PDE6D: variants seen among roughly 807,000 people sequenced by gnomAD.
PDE6D encodes phosphodiesterase 6D, also known as retinal rod rhodopsin-sensitive cGMP 3',5'-cyclic phosphodiesterase subunit delta.
In PDE6D, 10 loss-of-function variants were observed where a neutral mutation model predicts 21.9. The observed-to-expected ratio is 0.46, with a 90% CI of 0.28 to 0.78. PDE6D has a LOEUF of 0.78. Ranked by LOEUF, PDE6D falls within the 30% of genes least tolerant of loss-of-function variation. The pLI, the probability that PDE6D is intolerant of heterozygous loss-of-function variation, is 0.12. For synonymous variants in PDE6D, 59 were observed against 63.5 expected (o/e 0.93, Z 0.34); for missense variants, 139 against 184.8 (o/e 0.75, Z 1.44).
At chr2:231,766,385 A>G (rs2048971048) in intron 1 of PDE6D, among the ~76,000 whole-genome samples, 2 of 152,216 alleles carry the variant, frequency 1.3e-5, no homozygotes, top group African/African-American at 4.8e-5. Flanking sequence ...TATCCTACTG[A>G]CATGTACAGT....
intron 1 of PDE6D, 97 bp downstream of exon 1, chr2:231,780,968 G>A (rs1235924803): frequency 1.8e-6 from 2 of 1,105,572 alleles, no homozygotes; most frequent in African/African-American, 1.6e-5. Context: ...CTTCTTCTGT[G>A]GGGCCCACCT....
intron 1 of PDE6D, among the ~76,000 whole-genome samples, chr2:231,746,509 A>G (rs2048795262): frequency 6.6e-6 from 1 of 152,296 alleles, no homozygotes; most frequent in Non-Finnish European, 1.5e-5. Context: ...AAGCCAAAAG[A>G]TTGGACACTC....
At chr2:231,770,835 C>A (rs2106285526) in intron 1 of PDE6D, among the ~76,000 whole-genome samples, 1 of 152,036 alleles carries the variant, frequency 6.6e-6, no homozygotes, top group East Asian at 1.9e-4. Flanking sequence ...CGCCTGTAAT[C>A]CCAGCTGCTC....
At chr2:231,754,293 T>C (rs989773362) in intron 1 of PDE6D, among the ~76,000 whole-genome samples, 4 of 151,552 alleles carry the variant, frequency 2.6e-5, no homozygotes, top group Non-Finnish European at 5.9e-5. Flanking sequence ...CAAGAGAATC[T>C]CTCTAAAACA....
At chr2:231,779,122 G>A (rs1480917781) in intron 1 of PDE6D, 2 of 152,178 alleles carry the variant, frequency 1.3e-5, no homozygotes, top group Non-Finnish European at 2.9e-5. Flanking sequence ...AAGGCTACCA[G>A]AGGATGAGCA....
chr2:231,766,683 A>G (rs1457670555), intron 1 of PDE6D, among the ~76,000 whole-genome samples: 1 of 152,144 alleles, frequency 6.6e-6, no homozygotes, highest in African/African-American at 2.4e-5. Flanking sequence ...AACTCCTTCA[A>G]ATTATAACTC....
intron 1 of PDE6D, among the ~76,000 whole-genome samples, chr2:231,747,066 C>T (rs73086866): frequency 5.3e-5 from 8 of 152,148 alleles, no homozygotes; most frequent in Non-Finnish European, 1.2e-4. Flanking sequence ...TTCATAGTTT[C>T]GTGTAATTTA....
intron 1 of PDE6D, among the ~76,000 whole-genome samples, chr2:231,766,315 G>C (rs937478272): frequency 1.3e-5 from 2 of 152,176 alleles, no homozygotes; most frequent in Non-Finnish European, 2.9e-5. Context: ...ACATAACACA[G>C]TCTTCTCCCT....
chr2:231,769,072 C>G (rs1559332455), intron 1 of PDE6D, among the ~76,000 whole-genome samples: 1 of 151,870 alleles, frequency 6.6e-6, no homozygotes, highest in Non-Finnish European at 1.5e-5. Flanking sequence ...TTTCATCATA[C>G]TGGTCAGGCT....
rs940844164 is a variant in PDE6D at position 231,772,135 on chromosome 2, G to GT, written c.50+8929dup. Among the ~76,000 whole-genome samples, 377 of 143,906 alleles carry GT rather than the reference G, an allele frequency of 2.6e-3. 3 individuals are homozygous for GT. The highest frequency in any genetic ancestry group is 7.2e-3 in the Middle Eastern group (2 of 278). The allele number at this position is 143,906 out of a possible 152,430, so 94.4% of individuals were successfully genotyped here. A position where few individuals can be genotyped will look rare whatever the true frequency, so the allele number is the denominator to read the frequency against. ...TTAATTCTTCCTCTTTAGAACAGTT[G>GT]TTTTTTTTTTTTAACTTTAGAAGAG... On this transcript the variant is annotated intron_variant, in intron 1 of 4. Transcript: ENST00000287600.
intron 4 of PDE6D, among the ~76,000 whole-genome samples, chr2:231,736,800 C>A (rs2048705859): frequency 1.3e-5 from 2 of 152,132 alleles, no homozygotes. Flanking sequence ...AAATGCCAGT[C>A]TCCTTCCATG....
At chr2:231,773,226 C>T (rs887720040) in intron 1 of PDE6D, among the ~76,000 whole-genome samples, 14 of 151,906 alleles carry the variant, frequency 9.2e-5, no homozygotes, top group African/African-American at 2.7e-4. Flanking sequence ...GAGACCCTGT[C>T]GCAGAAAAGA....
chr2:231,768,418 T>A (rs2048989362), intron 1 of PDE6D, among the ~76,000 whole-genome samples: 1 of 151,880 alleles, frequency 6.6e-6, no homozygotes, highest in Non-Finnish European at 1.5e-5. Context: ...TGAGATGGAG[T>A]CTCCCTCTGT....
chr2:231,747,414 A>T (rs1206859001), intron 1 of PDE6D, among the ~76,000 whole-genome samples: 2 of 152,238 alleles, frequency 1.3e-5, no homozygotes, highest in Non-Finnish European at 2.9e-5. Flanking sequence ...AGAATGAAAG[A>T]GTGTGCTAAC....
At chr2:231,770,990 A>G (rs1203577499) in intron 1 of PDE6D, among the ~76,000 whole-genome samples, 2 of 150,764 alleles carry the variant, frequency 1.3e-5, no homozygotes, top group African/African-American at 4.9e-5. Flanking sequence ...GCCAAGCATG[A>G]TGGTGTGCAC....
At chr2:231,757,438 T>C (rs934666244) in intron 1 of PDE6D, among the ~76,000 whole-genome samples, 1 of 152,154 alleles carries the variant, frequency 6.6e-6, no homozygotes, top group Non-Finnish European at 1.5e-5. Context: ...GGTGGGATTA[T>C]AGGAGCGTGC....
intron 1 of PDE6D, among the ~76,000 whole-genome samples, chr2:231,755,878 C>T (rs977229634): frequency 1.3e-5 from 2 of 151,856 alleles, no homozygotes; most frequent in African/African-American, 4.8e-5. Context: ...TGAGATCGTG[C>T]CATTGCACTC....
intron 1 of PDE6D, among the ~76,000 whole-genome samples, chr2:231,744,137 G>T (rs977908279): frequency 6.6e-6 from 1 of 152,168 alleles, no homozygotes; most frequent in Non-Finnish European, 1.5e-5. Flanking sequence ...GAAAAGTCCC[G>T]GAGGGTCCCT....
intron 1 of PDE6D, among the ~76,000 whole-genome samples, chr2:231,757,360 C>T (rs2048890902): frequency 2.0e-5 from 3 of 152,156 alleles, no homozygotes; most frequent in African/African-American, 2.4e-5. Flanking sequence ...TGCAATGGCA[C>T]GATCTCGGCT....
Sources: allele counts gnomAD v4.1 joint callset (sites outside exome capture counted in the v4.1 genomes callset), GRCh38; gene constraint gnomAD v4.1.1; transcripts MANE v1.5; gene names NCBI Gene and HGNC (gene_info 2026-07-23, HGNC 2026-07-21).